Variants in ULK4 observed in about 807,000 individuals in gnomAD.
The protein encoded by ULK4 is inactive serine/threonine-protein kinase ULK4.
In ULK4, 133 loss-of-function variants were observed where a neutral mutation model predicts 160.6. That is an observed-to-expected ratio of 0.83 (90% CI 0.72 to 0.96). The LOEUF is 0.96. ULK4 is among the 40% of genes least tolerant of loss of function. The pLI is 0.00. For missense variants in ULK4, 1,580 were observed against 1,499.5 expected (o/e 1.05, Z -0.89); for synonymous variants, 534 against 539.8 (o/e 0.99, Z 0.15).
chr3:41,805,005 T>G (rs1323361538), intron 19 of ULK4, among the ~76,000 whole-genome samples: 1 of 152,194 alleles, frequency 6.6e-6, no homozygotes, highest in Non-Finnish European at 1.5e-5. Context: ...AGTAGTTTTT[T>G]CAAATTCTGT....
chr3:41,343,189 G>A (rs2080722976), intron 35 of ULK4, among the ~76,000 whole-genome samples: 1 of 149,200 alleles, frequency 6.7e-6, no homozygotes, highest in African/African-American at 2.5e-5. Flanking sequence ...TCAGGCAAGA[G>A]AAGAAAATAA....
At chr3:41,483,420 T>C (rs1340743545) in intron 32 of ULK4, among the ~76,000 whole-genome samples, 1 of 152,172 alleles carries the variant, frequency 6.6e-6, no homozygotes, top group African/African-American at 2.4e-5. Flanking sequence ...CCACCTCATA[T>C]GCATACTGTT....
At chr3:41,798,529 T>A (rs981570489) in intron 20 of ULK4, among the ~76,000 whole-genome samples, 3 of 152,160 alleles carry the variant, frequency 2.0e-5, no homozygotes, top group African/African-American at 7.2e-5. Context: ...ATTATATAGG[T>A]AACATAACTG....
intron 35 of ULK4, among the ~76,000 whole-genome samples, chr3:41,284,664 AC>A (rs2079425520): frequency 6.6e-6 from 1 of 152,170 alleles, no homozygotes; most frequent in Non-Finnish European, 1.5e-5. Context: ...ATTAGAAAAA[AC>A]CATTCTAGAC....
intron 35 of ULK4, among the ~76,000 whole-genome samples, chr3:41,285,267 T>C (rs1246596042): frequency 1.3e-5 from 2 of 152,230 alleles, no homozygotes; most frequent in Non-Finnish European, 2.9e-5. Context: ...TAAGTCATTA[T>C]ATGAAAAAGA....
intron 32 of ULK4, among the ~76,000 whole-genome samples, chr3:41,522,118 TTC>T (rs1190770938): frequency 1.5e-5 from 2 of 134,304 alleles, no homozygotes; most frequent in East Asian, 3.9e-4. Flanking sequence ...TAAATGTTTT[TTC>T]TTTTTTTTCT....
At chr3:41,744,895 C>G (rs557386649) in intron 22 of ULK4, among the ~76,000 whole-genome samples, 4 of 151,460 alleles carry the variant, frequency 2.6e-5, no homozygotes, top group Non-Finnish European at 5.9e-5. Context: ...AACTATATAT[C>G]AATAACATAA....
intron 20 of ULK4, among the ~76,000 whole-genome samples, chr3:41,792,969 T>C (rs1320666750): frequency 6.6e-6 from 1 of 152,180 alleles, no homozygotes; most frequent in East Asian, 1.9e-4. Context: ...GGTCAGGAGT[T>C]TCAGGCCAGC....
intron 32 of ULK4, among the ~76,000 whole-genome samples, chr3:41,497,011 C>T (rs1183944565): frequency 7.0e-6 from 1 of 142,264 alleles, no homozygotes; most frequent in East Asian, 2.1e-4. Flanking sequence ...ATTATGTATG[C>T]AAAGCAGCAG....
intron 34 of ULK4, among the ~76,000 whole-genome samples, chr3:41,411,420 C>CTTTTTTTTT (rs556696303): frequency 3.8e-4 from 55 of 143,024 alleles, no homozygotes; most frequent in African/African-American, 7.2e-4. Context: ...ACATTCCTTT[C>CTTTTTTTTT]TTTTTTTTTT....
intron 22 of ULK4, among the ~76,000 whole-genome samples, chr3:41,732,969 G>T (rs1174369093): frequency 6.6e-6 from 1 of 152,216 alleles, no homozygotes; most frequent in South Asian, 2.1e-4. Flanking sequence ...GGCAGGGAGA[G>T]GGGGAGGACA....
chr3:41,280,233 A>G (rs1165072923), intron 35 of ULK4, among the ~76,000 whole-genome samples: 1 of 152,218 alleles, frequency 6.6e-6, no homozygotes, highest in African/African-American at 2.4e-5. Context: ...CCACATTGTC[A>G]ATATTAGACA....
At chr3:41,346,169 CA>C (rs1201226845) in intron 35 of ULK4, among the ~76,000 whole-genome samples, 1 of 151,772 alleles carries the variant, frequency 6.6e-6, no homozygotes, top group African/African-American at 2.4e-5. Context: ...GGGCTTTAAG[CA>C]GGGCAGTATG....
chr3:41,574,983 C>T (rs1407980752), intron 31 of ULK4, among the ~76,000 whole-genome samples: 2 of 152,204 alleles, frequency 1.3e-5, no homozygotes, highest in African/African-American at 2.4e-5. Context: ...TTTCTGTCCA[C>T]AGCCCTGGTT....
intron 30 of ULK4, among the ~76,000 whole-genome samples, chr3:41,632,776 T>C (rs2033801629): frequency 6.6e-6 from 1 of 152,114 alleles, no homozygotes; most frequent in African/African-American, 2.4e-5. Context: ...ACTATCTTTT[T>C]ACTTCAGATG....
intron 17 of ULK4, among the ~76,000 whole-genome samples, chr3:41,865,048 G>A (rs1359512054): frequency 2.0e-5 from 3 of 151,970 alleles, no homozygotes; most frequent in Admixed American, 1.3e-4. Context: ...AAGGTGGGTG[G>A]ATCACTTGAG....
chr3:41,316,063 A>G lies in ULK4; in HGVS notation c.3679-66489T>C, dbSNP rs148549398. Among the ~76,000 whole-genome samples, 540 of 152,362 alleles carry G rather than the reference A, an allele frequency of 3.5e-3. 1 individual carries two copies. The highest frequency in any genetic ancestry group is 0.02 in the Middle Eastern group (6 of 294). Reference sequence around the variant, plus strand: ...GTATGAACACACAAAAAATGAAAACATATGTGCACACAAAACACATATACA... The same window carrying G: ...GTATGAACACACAAAAAATGAAAACGTATGTGCACACAAAACACATATACA... On this transcript the variant is annotated intron_variant, in intron 35 of 36. Transcript: ENST00000301831.
chr3:41,750,986 A>AAG (rs201841473), intron 22 of ULK4, among the ~76,000 whole-genome samples: 10,790 of 127,606 alleles, frequency 0.085, 1,080 homozygotes, highest in African/African-American at 0.25. Flanking sequence ...GAGAGAGAGA[A>AAG]AGAGAGAGAG....
At chr3:41,387,921 T>C (rs959603290) in intron 35 of ULK4, among the ~76,000 whole-genome samples, 10 of 152,350 alleles carry the variant, frequency 6.6e-5, no homozygotes, top group Non-Finnish European at 1.3e-4. Flanking sequence ...ATGGTATTTC[T>C]AGTTCTAGAT....
Sources: gnomAD v4.1 joint callset for allele counts (sites outside exome capture counted in the v4.1 genomes callset) on GRCh38, gnomAD v4.1.1 for gene constraint, MANE v1.5 for transcripts, NCBI Gene and HGNC (gene_info 2026-07-23, HGNC 2026-07-21) for gene names.